The following EXD3 variants were observed in gnomAD, a reference collection of about 807,000 sequenced individuals.
EXD3 encodes exonuclease 3'-5' domain containing 3, also known as exonuclease mut-7 homolog.
In EXD3, 92 loss-of-function variants were observed where a neutral mutation model predicts 98.0. The observed-to-expected ratio is 0.94, with a 90% confidence interval of 0.79 to 1.12. The LOEUF (loss-of-function observed/expected upper bound fraction) is 1.12, where lower values mean the gene tolerates loss of function less well. EXD3 is among the 50% of genes most tolerant of loss of function. EXD3 has a pLI of 0.00. For synonymous variants in EXD3, 569 were observed against 526.0 expected, an observed-to-expected ratio of 1.08 and a Z score of -1.12; for missense variants, 1,222 against 1,191.6, an observed-to-expected ratio of 1.03 and a Z score of -0.38.
chr9:137,342,957 T>C (rs973040166), intron 17 of EXD3, among the ~76,000 whole-genome samples: 3 of 152,164 alleles, frequency 2.0e-5, no homozygotes, highest in Non-Finnish European at 2.9e-5. Flanking sequence ...CCGTCTCTAC[T>C]AAAAATATAA....
chr9:137,352,925 G>T lies in EXD3; in HGVS notation c.871-139C>A, dbSNP rs1834385688. On this transcript the variant is annotated intron_variant, in intron 10 of 21. Coordinates refer to ENST00000340951, the MANE Select transcript of EXD3 (RefSeq NM_017820.5). ...GAGGAGGGGCAGCCGTCCACCTGAG[G>T]CCTGCAGCATCTGTCCTGCCTGAGG... 18 of 1,433,380 alleles carry T rather than the reference G, an allele frequency of 1.3e-5. No homozygotes were observed. The South Asian group carries it at 1.8e-4, about 14-fold the overall frequency. The allele number at this position is 1,433,380 out of a possible 1,614,324, so 88.8% of individuals were successfully genotyped here. A position where few individuals can be genotyped will look rare whatever the true frequency, so the allele number is the denominator to read the frequency against.
chr9:137,365,977 G>A lies in EXD3; in HGVS notation c.656+516C>T, dbSNP rs374363567. ...CGCACATATCACGTGCACACACAGA[G>A]ACACACACATGCACACCTGCAGGCA... On this transcript the variant is annotated intron_variant, in intron 7 of 21. Coordinates refer to ENST00000340951, the MANE Select transcript of EXD3 (RefSeq NM_017820.5). 3.9e-3 allele frequency: 2,045 copies of A among 520,876 alleles called. 50 individuals are homozygous for A. Among genetic ancestry groups the A allele is most frequent in the African/African-American group, 0.038 (1,794 of 47,474 alleles). 32.3% of individuals were successfully genotyped at this position (520,876 alleles called of 1,614,324 possible).
intron 3 of EXD3, among the ~76,000 whole-genome samples, chr9:137,382,478 C>T (rs976232721): frequency 6.6e-6 from 1 of 152,068 alleles, no homozygotes; most frequent in Non-Finnish European, 1.5e-5. Context: ...GACGAAGGTC[C>T]GACAAGAGAG....
Position 137,349,449 on chromosome 9 carries a change from A to G in EXD3, c.1577T>C (p.Leu526Pro). 14 of 1,602,676 alleles carry G rather than the reference A, an allele frequency of 8.7e-6. No individual in the cohort carries two copies. The highest frequency in any genetic ancestry group is 1.2e-5 in the Non-Finnish European group (14 of 1,177,872). Residue 526 changes from leucine to proline, a missense_variant, in exon 15 of 22, where the codon CTG becomes CCG. Transcript: ENST00000340951. The surrounding 1 kb of genome is among the most constrained non-coding windows in gnomAD (Gnocchi z 7.4). ...RGLSLLVQQV[L>P]GTALDKTQQL... ...CTGCGTCTTGTCCAGGGCTGTGCCC[A>G]GCACCTGCTGCACCAGGAGGCTCAG...
intron 7 of EXD3, among the ~76,000 whole-genome samples, chr9:137,361,591 C>CA (rs1388841343): frequency 1.3e-5 from 2 of 149,464 alleles, no homozygotes; most frequent in Non-Finnish European, 3.0e-5. Flanking sequence ...ACTAAAAATA[C>CA]AAAAATTAGC....
chr9:137,335,082 GA>G (rs1265896720), intron 17 of EXD3, among the ~76,000 whole-genome samples: 65 of 132,058 alleles, frequency 4.9e-4, no homozygotes, highest in Middle Eastern at 3.8e-3. Context: ...GTCTCAAAAG[GA>G]AAAAAAAAAA....
At chr9:137,315,044 C>T (rs1370980156) in intron 19 of EXD3, among the ~76,000 whole-genome samples, 1 of 152,186 alleles carries the variant, frequency 6.6e-6, no homozygotes, top group Non-Finnish European at 1.5e-5. Flanking sequence ...TCAGGGTCTC[C>T]ACTTCCTGCA....
chr9:137,369,066 A>AG (rs1234084933), intron 5 of EXD3, among the ~76,000 whole-genome samples: 2 of 15,056 alleles, frequency 1.3e-4, no homozygotes, highest in African/African-American at 5.5e-4. Context: ...GGACCCGGGG[A>AG]GGGGGTCTCA....
Position 137,353,018 on chromosome 9 carries a change from A to G in EXD3, c.871-232T>C, listed in dbSNP as rs1001849898. On this transcript the variant is annotated intron_variant, in intron 10 of 21. Transcript: ENST00000340951. ...AGGCAAAGGCTGTCCACCCCAGTGT[A>G]GCCCCGGCTGGCCTTCCGGGTCTCC... The G allele has an allele frequency of 4.4e-6, 6 of 1,357,934 alleles. No individual in the cohort carries two copies. In the African/African-American group the frequency reaches 7.5e-5, roughly 17 times the overall value. 84.1% of individuals were successfully genotyped at this position (1,357,934 alleles called of 1,614,324 possible). A position where few individuals can be genotyped will look rare whatever the true frequency, so the allele number is the denominator to read the frequency against.
chr9:137,354,072 G>A, intron 10 of EXD3: 2 of 1,229,376 alleles, frequency 1.6e-6, no homozygotes, highest in African/African-American at 1.6e-5. Context: ...AGCTCCGCTG[G>A]GTTGGTTCGG....
intron 19 of EXD3, among the ~76,000 whole-genome samples, chr9:137,322,360 A>G (rs1445899805): frequency 1.3e-5 from 2 of 149,926 alleles, no homozygotes; most frequent in Non-Finnish European, 3.0e-5. Context: ...TTCTCTGCCG[A>G]CACCTCACCC....
Position 137,330,139 on chromosome 9 carries a change from A to AGCT in EXD3, c.1999-5997_1999-5996insAGC, listed in dbSNP as rs756120957. Among the ~76,000 whole-genome samples, 200 of 100,780 alleles carry AGCT rather than the reference A, an allele frequency of 2.0e-3. 7 individuals carry two copies. The highest frequency in any genetic ancestry group is 2.7e-3 in the Non-Finnish European group (132 of 48,786). 66.1% of individuals were successfully genotyped at this position (100,780 alleles called of 152,430 possible). On this transcript the variant is annotated intron_variant, in intron 17 of 21. Transcript: ENST00000340951. The stretch of plus-strand genomic sequence containing the variant: ...AGGAGCTACACAGGAGCTACACAGG[A>AGCT]ACTACACCGGAGCTACACAGGACTA...
chr9:137,349,574 C>T lies in EXD3; in HGVS notation c.1495-43G>A, dbSNP rs374990215. On this transcript the variant is annotated intron_variant, in intron 14 of 21. Transcript: ENST00000340951. This position sits in a 1 kb window ranked among gnomAD's most constrained non-coding sequence, Gnocchi z 7.4. ...TGCAGGGTAACGCGTCTGGCCCTGG[C>T]GGCAGCACAGTCACCGTGCCCACTC... 149 of 1,496,494 alleles carry T rather than the reference C, an allele frequency of 1.0e-4. 2 individuals carry two copies. In the South Asian group the frequency reaches 1.2e-3, roughly 12 times the overall value. The allele number at this position is 1,496,494 out of a possible 1,614,324, so 92.7% of individuals were successfully genotyped here.
intron 8 of EXD3, among the ~76,000 whole-genome samples, chr9:137,355,490 G>GAAGGAGGAAGGAGGAAGGAGGAAGGAGAA: frequency 3.6e-5 from 1 of 27,884 alleles, no homozygotes; most frequent in Non-Finnish European, 7.4e-5. Context: ...GAGGAAGGAG[G>GAAGGAGGAAGGAGGAAGGAGGAAGGAGAA]ATGGAGGAAG....
intron 8 of EXD3, 76 bp downstream of exon 8, chr9:137,356,192 G>C: frequency 8.8e-7 from 1 of 1,130,662 alleles, no homozygotes; most frequent in Non-Finnish European, 1.3e-6. Flanking sequence ...GGCAGCCCCA[G>C]TCACAGAGGA....
rs11516136 is a variant in EXD3, at chr9:137,405,368, C to G, written c.-47-9964G>C. On this transcript the variant is annotated intron_variant, in intron 1 of 21. Coordinates refer to ENST00000340951, the MANE Select transcript of EXD3 (RefSeq NM_017820.5). The surrounding 1 kb of genome is among the most constrained non-coding windows in gnomAD (Gnocchi z 4.1). ...GGGGACCCCTGGACCACAGGACCAACGGGGGCAGGGTGGGCCCCCCACACA... is the reference window on the plus strand; with the variant it reads ...GGGGACCCCTGGACCACAGGACCAAGGGGGGCAGGGTGGGCCCCCCACACA... Among the ~76,000 whole-genome samples the G allele has an allele frequency of 0.55, 83,407 of 152,070 alleles. 23,123 individuals carry two copies. Among genetic ancestry groups the G allele is most frequent in the Admixed American group, 0.59 (9,083 of 15,292 alleles).
At chr9:137,376,467 T>A (rs1261919295) in intron 3 of EXD3, among the ~76,000 whole-genome samples, 1 of 151,608 alleles carries the variant, frequency 6.6e-6, no homozygotes, top group Non-Finnish European at 1.5e-5. Context: ...AGAACTCGCC[T>A]GCAGGAGGCC....
At chr9:137,319,167 C>T (rs574619194) in intron 19 of EXD3, among the ~76,000 whole-genome samples, 7 of 152,344 alleles carry the variant, frequency 4.6e-5, no homozygotes, top group East Asian at 3.9e-4. Flanking sequence ...GGCGGAGGGC[C>T]GATCTCTCCT....
chr9:137,309,722 G>T, intron 19 of EXD3, 22 bp from the exon 20 acceptor site: 1 of 1,541,214 alleles, frequency 6.5e-7, no homozygotes. Context: ...AGGGGGTGCT[G>T]AGGCCCAGGC....
Sources: gnomAD v4.1 joint callset for allele counts (sites outside exome capture counted in the v4.1 genomes callset) on GRCh38, gnomAD v4.1.1 for gene constraint, Gnocchi (gnomAD v3.1) non-coding constraint, MANE v1.5 for transcripts, NCBI Gene and HGNC (gene_info 2026-07-23, HGNC 2026-07-21) for gene names.